Variants in ARHGEF4 observed in about 807,000 individuals in gnomAD.
ARHGEF4 encodes the protein Rho guanine nucleotide exchange factor 4, also known as APC-stimulated guanine nucleotide exchange factor 1.
In ARHGEF4, 119 loss-of-function variants were observed where a neutral mutation model predicts 162.0. That is an observed-to-expected ratio of 0.73 (90% CI 0.63 to 0.86). The LOEUF is 0.86. Ranked by LOEUF, ARHGEF4 falls within the 40% of genes least tolerant of loss-of-function variation. ARHGEF4 has a pLI of 0.00. For synonymous variants in ARHGEF4, 1,014 were observed against 979.9 expected (o/e 1.03, Z -0.65); for missense variants, 2,488 against 2,456.0 (o/e 1.01, Z -0.28).
chr2:130,838,159 C>G lies in ARHGEF4; in HGVS notation c.39+1167C>G, dbSNP rs146274228. Among the ~76,000 whole-genome samples the G allele has an allele frequency of 2.8e-3, 419 of 152,338 alleles. 1 individual carries two copies. Among genetic ancestry groups the G allele is most frequent in the African/African-American group, 9.8e-3 (409 of 41,582 alleles). On this transcript the variant is annotated intron_variant, in intron 1 of 13. Transcript: ENST00000409359. ...GTGTAGGAGATGGCTTGGAAGAGCT[C>G]AGACCCCCTTCAAATGCCGACTCTG...
intron 4 of ARHGEF4, among the ~76,000 whole-genome samples, chr2:130,976,506 C>T (rs1253792099): frequency 6.6e-6 from 1 of 152,142 alleles, no homozygotes; most frequent in Non-Finnish European, 1.5e-5. Flanking sequence ...AGTCGGGAGG[C>T]CTTTCAAGCA....
intron 5 of ARHGEF4, among the ~76,000 whole-genome samples, chr2:131,032,848 C>CTTTTTTTTTTTTTTT (rs111971610): frequency 3.9e-5 from 5 of 128,618 alleles, no homozygotes; most frequent in African/African-American, 1.3e-4. Flanking sequence ...TTTCTTTTTT[C>CTTTTTTTTTTTTTTT]TTTTTTTTTT....
intron 1 of ARHGEF4, among the ~76,000 whole-genome samples, chr2:130,876,417 A>G (rs1442926692): frequency 6.6e-6 from 1 of 152,082 alleles, no homozygotes; most frequent in African/African-American, 2.4e-5. Flanking sequence ...TTTCTTTGAG[A>G]CAGAGTCTCT....
intron 4 of ARHGEF4, chr2:130,963,626 G>C (rs1452434196): frequency 6.9e-6 from 1 of 145,886 alleles, no homozygotes; most frequent in Non-Finnish European, 1.5e-5. Flanking sequence ...CCGCGCCCGC[G>C]CCCGCCGCCG....
intron 4 of ARHGEF4, among the ~76,000 whole-genome samples, chr2:130,972,829 C>T (rs1685452389): frequency 6.6e-6 from 1 of 152,100 alleles, no homozygotes; most frequent in African/African-American, 2.4e-5. Flanking sequence ...ATATACAAAA[C>T]AAGATAAAAT....
At chr2:130,895,118 T>A (rs1447125209) in intron 1 of ARHGEF4, among the ~76,000 whole-genome samples, 3 of 152,158 alleles carry the variant, frequency 2.0e-5, no homozygotes, top group African/African-American at 4.8e-5. Flanking sequence ...CCAATGCCCA[T>A]TGCTCCGCCA....
In ARHGEF4 at chr2:130,883,833, G is replaced by A. The variant is rs147934915; in HGVS notation, c.40-30153G>A. 5.0e-3 allele frequency among the ~76,000 whole-genome samples: 762 copies of A among 152,274 alleles called. 14 individuals are homozygous for A. The highest frequency in any genetic ancestry group is 0.018 in the African/African-American group (729 of 41,496). On this transcript the variant is annotated intron_variant, in intron 1 of 13. Transcript: ENST00000409359. ...CAGATGGCCTAGGCTGGAAACTGGG[G>A]TCTGTCACTATCTGTGTGACTGTGT...
intron 4 of ARHGEF4, among the ~76,000 whole-genome samples, chr2:130,997,952 C>T (rs1687512401): frequency 6.6e-6 from 1 of 151,928 alleles, no homozygotes; most frequent in South Asian, 2.1e-4. Context: ...AGCAGAGCTT[C>T]GTAGGAACAC....
intron 4 of ARHGEF4, among the ~76,000 whole-genome samples, chr2:130,971,470 C>T (rs1685363451): frequency 6.6e-6 from 1 of 151,912 alleles, no homozygotes; most frequent in African/African-American, 2.4e-5. Flanking sequence ...CCAGCCTGAC[C>T]AACATGGTGA....
intron 3 of ARHGEF4, among the ~76,000 whole-genome samples, chr2:130,934,396 C>G (rs1682818799): frequency 6.6e-6 from 1 of 152,110 alleles, no homozygotes; most frequent in Admixed American, 6.6e-5. Flanking sequence ...TTGTATAGTT[C>G]ACCAGTGAAG....
chr2:130,965,089 A>G (rs892575148), intron 4 of ARHGEF4, among the ~76,000 whole-genome samples: 4 of 152,208 alleles, frequency 2.6e-5, no homozygotes, highest in Non-Finnish European at 5.9e-5. Flanking sequence ...AGAGAGTTAT[A>G]CACCCACTAT....
intron 5 of ARHGEF4, among the ~76,000 whole-genome samples, chr2:131,037,725 C>T (rs1357543995): frequency 6.6e-6 from 1 of 152,236 alleles, no homozygotes; most frequent in Non-Finnish European, 1.5e-5. Context: ...ACAAGGGCTG[C>T]CTGGGAGAGG....
At chr2:131,041,136 G>C in intron 8 of ARHGEF4, 94 bp from the exon 9 acceptor site, 1 of 1,237,710 alleles carries the variant, frequency 8.1e-7, no homozygotes, top group Non-Finnish European at 1.1e-6. Context: ...AGCTCCTGAA[G>C]GAAATGTAGA....
At chr2:130,936,757 GTCTT>G (rs1294921005) in intron 3 of ARHGEF4, among the ~76,000 whole-genome samples, 1 of 152,030 alleles carries the variant, frequency 6.6e-6, no homozygotes, top group Non-Finnish European at 1.5e-5. Flanking sequence ...CTCAGTGTAA[GTCTT>G]TATGTTTATC....
intron 2 of ARHGEF4, among the ~76,000 whole-genome samples, chr2:130,926,994 G>A (rs1270203624): frequency 6.6e-6 from 1 of 151,520 alleles, no homozygotes; most frequent in Non-Finnish European, 1.5e-5. Flanking sequence ...TCTGGCTGAA[G>A]GAGAGGTTAT....
At chr2:130,897,617 G>A (rs1038826671) in intron 1 of ARHGEF4, among the ~76,000 whole-genome samples, 3 of 152,194 alleles carry the variant, frequency 2.0e-5, no homozygotes, top group Admixed American at 6.6e-5. Flanking sequence ...GAAAGGATCC[G>A]GTATTTGTTG....
In ARHGEF4 at chr2:130,915,802, A is replaced by G; in HGVS notation, c.1856A>G (p.Lys619Arg). The stretch of plus-strand genomic sequence containing the variant: ...GCCGGGGGCCGGCAGCTGGAGCCCA[A>G]AGCAGGCGGCGAGGCCTCGAGGGGC... ...GGAGGRQLEP[K>R]AGGEASRGRG... The change falls in exon 2 of 14, where the codon AAA (lysine) becomes AGA (arginine). Residue 619 changes from lysine (K) to arginine (R), a missense_variant. Physicochemically the swap from Lys to Arg is conservative, Grantham distance 26. Around this residue, in one of 6 missense-constraint regions of ARHGEF4, gnomAD observed 1,642 missense variants for 1,481.5 expected, o/e 1.11. Transcript: ENST00000409359. 3 of 1,524,908 alleles carry G rather than the reference A, an allele frequency of 2.0e-6. No homozygotes were observed. Among genetic ancestry groups the G allele is most frequent in the Non-Finnish European group, 2.6e-6 (3 of 1,134,804 alleles). 94.5% of individuals were successfully genotyped at this position (1,524,908 alleles called of 1,614,324 possible).
chr2:130,870,791 G>C (rs1033309336), intron 1 of ARHGEF4, among the ~76,000 whole-genome samples: 16 of 152,124 alleles, frequency 1.1e-4, no homozygotes, highest in African/African-American at 3.6e-4. Context: ...GAGACATGGG[G>C]GTTGGCGGTG....
At chr2:131,029,132 G>A (rs750426233) in intron 5 of ARHGEF4, among the ~76,000 whole-genome samples, 7 of 152,078 alleles carry the variant, frequency 4.6e-5, no homozygotes, top group Non-Finnish European at 8.8e-5. Context: ...AGGCTGAGAC[G>A]GGTGTATCAC....
Sources: gnomAD v4.1 joint callset for allele counts (sites outside exome capture counted in the v4.1 genomes callset) on GRCh38, gnomAD v4.1.1 for gene constraint, gnomAD v4.1.1 regional missense constraint, MANE v1.5 for transcripts, NCBI Gene and HGNC (gene_info 2026-07-23, HGNC 2026-07-21) for gene names.